SCAI: variants seen among roughly 807,000 people sequenced by gnomAD.
SCAI encodes the protein protein SCAI.
SCAI carries 24 observed loss-of-function variants against 92.2 expected under a neutral mutation model. The ratio of observed to expected loss-of-function variants is 0.26; its 90% CI spans 0.19 to 0.37. SCAI has a LOEUF of 0.37. Ranked by LOEUF, SCAI falls within the 10% of genes least tolerant of loss-of-function variation. The pLI is 1.00. For missense variants in SCAI, 450 were observed against 736.2 expected, an observed-to-expected ratio of 0.61 and a Z score of 4.50; for synonymous variants, 261 against 258.6, an observed-to-expected ratio of 1.01 and a Z score of -0.09.
chr9:125,037,820 A>G (rs607986), intron 3 of SCAI, among the ~76,000 whole-genome samples: 66,076 of 151,838 alleles, frequency 0.44, 14,841 homozygotes, highest in Admixed American at 0.5. Context: ...GGAGGCTGAG[A>G]CAGGAGAATT....
chr9:125,006,038 A>G (rs1176456864), intron 9 of SCAI, among the ~76,000 whole-genome samples: 1 of 152,202 alleles, frequency 6.6e-6, no homozygotes, highest in Non-Finnish European at 1.5e-5. Flanking sequence ...ACTGCCCCCA[A>G]GTTTTGAGGG....
chr9:125,040,545 G>C, intron 3 of SCAI, among the ~76,000 whole-genome samples: 1 of 152,124 alleles, frequency 6.6e-6, no homozygotes, highest in Non-Finnish European at 1.5e-5. Context: ...TGTGTACAAA[G>C]TAGTATATAA....
intron 3 of SCAI, among the ~76,000 whole-genome samples, chr9:125,047,284 T>C (rs1833463756): frequency 6.6e-6 from 1 of 152,072 alleles, no homozygotes; most frequent in African/African-American, 2.4e-5. Context: ...GATGACCATG[T>C]GAGGGCACAG....
At chr9:125,018,737 G>A in intron 9 of SCAI, 62 bp downstream of exon 9, 1 of 1,369,394 alleles carries the variant, frequency 7.3e-7, no homozygotes, top group Non-Finnish European at 1.0e-6. Flanking sequence ...ATAATTCTGT[G>A]ATCATCAATA....
chr9:125,093,231 C>T (rs1049131616), intron 2 of SCAI, among the ~76,000 whole-genome samples: 9 of 151,982 alleles, frequency 5.9e-5, no homozygotes, highest in Non-Finnish European at 1.3e-4. Flanking sequence ...CATGGTGGTG[C>T]ACGCCTGTAA....
intron 13 of SCAI, among the ~76,000 whole-genome samples, chr9:124,996,271 C>T (rs1382487253): frequency 6.6e-6 from 1 of 151,970 alleles, no homozygotes; most frequent in Non-Finnish European, 1.5e-5. Flanking sequence ...AAGCTTTACT[C>T]TTTCAGAAAA....
intron 2 of SCAI, among the ~76,000 whole-genome samples, chr9:125,096,409 C>T (rs918621842): frequency 6.6e-6 from 1 of 152,206 alleles, no homozygotes; most frequent in Non-Finnish European, 1.5e-5. Context: ...CACAGGCAAA[C>T]CATATCACCT....
Position 124,951,736 on chromosome 9 carries a change from AAC to A in SCAI, c.*1069_*1070del, listed in dbSNP as rs956542363. 3 of 152,174 alleles carry A rather than the reference AAC, an allele frequency of 2.0e-5. No individual in the cohort carries two copies. Among genetic ancestry groups the A allele is most frequent in the Non-Finnish European group, 4.4e-5 (3 of 68,024 alleles). 9.4% of individuals were successfully genotyped at this position (152,174 alleles called of 1,614,324 possible). On this transcript the variant is annotated 3_prime_UTR_variant, in exon 18 of 18. Transcript: ENST00000336505. ...TATAAAGGGAATGACAGGGAAGGAA[AAC>A]ACAAAAAAGAAAAATCTTTATAATA... is the stretch of plus-strand genomic sequence containing the variant.
intron 2 of SCAI, among the ~76,000 whole-genome samples, chr9:125,134,292 T>C (rs1835468620): frequency 1.3e-5 from 2 of 152,210 alleles, no homozygotes; most frequent in Admixed American, 6.5e-5. Flanking sequence ...AACCTTTGTA[T>C]ATATACAAAG....
Position 124,971,720 on chromosome 9 carries a change from T to C in SCAI, c.1524A>G (p.Arg508=). The C allele has an allele frequency of 2.5e-6, 4 of 1,611,486 alleles. No homozygotes were observed. Among genetic ancestry groups the C allele is most frequent in the Non-Finnish European group, 3.4e-6 (4 of 1,179,420 alleles). The change falls in exon 16 of 18, where the codon CGA becomes CGG. Residue 508 remains arginine, a synonymous_variant. Transcript: ENST00000336505. The part of the protein sequence containing the change: ...GLWEKCQEYL[R]KINRDIAQLL... ...GCTGGGCAATATCACGGTTGATTTT[T>C]CGAAGATATTCTTGACACTTTTCCC...
intron 6 of SCAI, among the ~76,000 whole-genome samples, chr9:125,021,972 T>G (rs1055336516): frequency 1.3e-5 from 2 of 152,190 alleles, no homozygotes; most frequent in African/African-American, 4.8e-5. Flanking sequence ...TATTGAACCT[T>G]GTATTAAACT....
chr9:125,056,917 G>A (rs1488388063), intron 2 of SCAI, among the ~76,000 whole-genome samples: 5 of 151,794 alleles, frequency 3.3e-5, no homozygotes, highest in African/African-American at 4.8e-5. Flanking sequence ...ACACACACAC[G>A]TACACACACA....
intron 2 of SCAI, among the ~76,000 whole-genome samples, chr9:125,125,520 T>C (rs1293508909): frequency 1.4e-5 from 2 of 144,630 alleles, no homozygotes; most frequent in Non-Finnish European, 3.0e-5. Flanking sequence ...AGAGTGATAC[T>C]CCATCTCCAA....
At chr9:125,035,561 T>C (rs928259772) in intron 3 of SCAI, among the ~76,000 whole-genome samples, 1 of 152,180 alleles carries the variant, frequency 6.6e-6, no homozygotes, top group African/African-American at 2.4e-5. Flanking sequence ...GTAAACTTTA[T>C]GCCTTAGTTC....
chr9:124,978,229 G>A (rs1033811222), intron 14 of SCAI, among the ~76,000 whole-genome samples: 1 of 152,126 alleles, frequency 6.6e-6, no homozygotes, highest in Non-Finnish European at 1.5e-5. Context: ...ATCACCTGAG[G>A]TCAGGAGTGG....
intron 9 of SCAI, among the ~76,000 whole-genome samples, chr9:125,005,306 AC>A (rs879931662): frequency 1.3e-5 from 2 of 152,156 alleles, no homozygotes; most frequent in Admixed American, 1.3e-4. Flanking sequence ...ATTACTAACT[AC>A]ACTTTCAAAC....
chr9:125,001,948 G>A lies in SCAI; in HGVS notation c.1144+17C>T, dbSNP rs749158124. 1.3e-6 allele frequency: 2 copies of A among 1,565,180 alleles called. No individual in the cohort carries two copies. The highest frequency in any genetic ancestry group is 3.3e-5 in the Admixed American group (2 of 59,890). On this transcript the variant is annotated intron_variant, in intron 12 of 17. Transcript: ENST00000336505. ...ATTCAAGCCCTGCTCACAACAGGGA[G>A]CATTCCTTTATTGTACCTTCACTAT...
chr9:124,985,662 G>T (rs961652133), intron 14 of SCAI, among the ~76,000 whole-genome samples: 1 of 151,900 alleles, frequency 6.6e-6, no homozygotes, highest in Admixed American at 6.6e-5. Context: ...GAGGTTGGGA[G>T]TTTGAGGCCA....
In SCAI at chr9:125,055,933, G is replaced by A. The variant is rs780312589; in HGVS notation, c.173C>T (p.Thr58Ile). 6.2e-7 allele frequency: 1 copy of A among 1,612,412 alleles called. No individual in the cohort carries two copies. The highest frequency in any genetic ancestry group is 1.7e-5 in the Admixed American group (1 of 59,976). Residue 58 changes from threonine to isoleucine, a missense_variant, in exon 3 of 18, where the codon ACA (threonine) becomes ATA (isoleucine). Thr to Ile is a moderately conservative substitution (Grantham distance 89). This residue lies in a region of SCAI where 20 missense variants were observed against 68.2 expected (regional missense o/e 0.29). Transcript: ENST00000336505. Reference sequence around the variant, plus strand: ...CAGAAGATAACAAAAATCTGTAACTGTTTTCCTCTCTCCCTGTGGGATATC... The same window carrying A: ...CAGAAGATAACAAAAATCTGTAACTATTTTCCTCTCTCCCTGTGGGATATC... ...EDDIPQGERK[T>I]VTDFCYLLDK...
Sources: allele counts gnomAD v4.1 joint callset (sites outside exome capture counted in the v4.1 genomes callset), GRCh38; gene constraint gnomAD v4.1.1; regional missense constraint gnomAD v4.1.1; transcripts MANE v1.5; gene names NCBI Gene and HGNC (gene_info 2026-07-23, HGNC 2026-07-21).